CLASP2: variants seen among roughly 807,000 people sequenced by gnomAD.
CLASP2 encodes CLIP-associating protein 2.
CLASP2 carries 47 observed loss-of-function variants against 194.4 expected under a neutral mutation model. That is an observed-to-expected ratio of 0.24 (90% confidence interval 0.19 to 0.31). The LOEUF (loss-of-function observed/expected upper bound fraction) is 0.31, where lower values mean the gene tolerates loss of function less well. CLASP2 is among the 10% of genes least tolerant of loss of function. The probability of loss-of-function intolerance (pLI) is 1.00; values close to 1 mark genes in which losing one functional copy is unlikely to be tolerated. For missense variants in CLASP2, 1,445 were observed against 1,823.6 expected (o/e 0.79, Z 3.78); for synonymous variants, 619 against 633.5 (o/e 0.98, Z 0.34).
chr3:33,552,991 A>G (rs2060288502), intron 29 of CLASP2, among the ~76,000 whole-genome samples: 1 of 152,248 alleles, frequency 6.6e-6, no homozygotes, highest in Non-Finnish European at 1.5e-5. Context: ...AAGGATGCTA[A>G]ACACATATTC....
Position 33,668,151 on chromosome 3 carries a change from G to A in CLASP2, c.645-4636C>T, listed in dbSNP as rs1248948346. On this transcript the variant is annotated intron_variant, in intron 6 of 38. Transcript: ENST00000682230. ...AGAGAATCGCTTGAACCCAGAAGACGGAGGTTGCAGTGAGCTGAGATCGTG... is the reference window on the plus strand; with the variant it reads ...AGAGAATCGCTTGAACCCAGAAGACAGAGGTTGCAGTGAGCTGAGATCGTG... Among the ~76,000 whole-genome samples the A allele has an allele frequency of 3.9e-5, 6 of 152,184 alleles. No individual in the cohort carries two copies. In the East Asian group the frequency reaches 7.7e-4, roughly 20 times the overall value.
chr3:33,582,365 G>C (rs910506426), intron 22 of CLASP2, among the ~76,000 whole-genome samples: 11 of 152,084 alleles, frequency 7.2e-5, no homozygotes, highest in Non-Finnish European at 1.3e-4. Flanking sequence ...AAGATAAAGA[G>C]GAAAAAATGC....
At chr3:33,634,480 C>G (rs542192466) in intron 8 of CLASP2, among the ~76,000 whole-genome samples, 1 of 152,240 alleles carries the variant, frequency 6.6e-6, no homozygotes, top group East Asian at 1.9e-4. Flanking sequence ...TTTACAAAAC[C>G]AGATAGCCAG....
chr3:33,620,641 G>A (rs1369640647), intron 11 of CLASP2, among the ~76,000 whole-genome samples: 1 of 152,184 alleles, frequency 6.6e-6, no homozygotes, highest in East Asian at 1.9e-4. Context: ...CCTTTAAAGA[G>A]CATGAGTTTT....
At chr3:33,717,392 G>T (rs1157917419) in intron 1 of CLASP2, among the ~76,000 whole-genome samples, 1 of 151,972 alleles carries the variant, frequency 6.6e-6, no homozygotes, top group Admixed American at 6.5e-5. Context: ...CTGCCCAGTG[G>T]GGACGCGGGA....
At chr3:33,586,088 A>G (rs114502472) in intron 21 of CLASP2, among the ~76,000 whole-genome samples, 2,934 of 152,150 alleles carry the variant, frequency 0.019, 55 homozygotes, top group African/African-American at 0.045. Context: ...CCAAGGGTAG[A>G]AGGGGAGTAA....
intron 12 of CLASP2, among the ~76,000 whole-genome samples, chr3:33,613,079 C>T (rs1259697305): frequency 1.3e-5 from 2 of 152,054 alleles, no homozygotes; most frequent in Non-Finnish European, 2.9e-5. Flanking sequence ...GATTAATTCC[C>T]TATTACCCTA....
chr3:33,634,284 G>A (rs769412864), intron 8 of CLASP2, among the ~76,000 whole-genome samples: 7 of 152,126 alleles, frequency 4.6e-5, no homozygotes, highest in African/African-American at 9.7e-5. Flanking sequence ...AATTAGATGC[G>A]CATTTTAATG....
chr3:33,639,881 C>T (rs973949122), intron 8 of CLASP2, among the ~76,000 whole-genome samples: 4 of 152,186 alleles, frequency 2.6e-5, no homozygotes, highest in African/African-American at 7.2e-5. Context: ...GGAGATGATC[C>T]AAGAGGAAGC....
At chr3:33,712,834 T>G (rs1205141308) in intron 1 of CLASP2, among the ~76,000 whole-genome samples, 2 of 151,456 alleles carry the variant, frequency 1.3e-5, no homozygotes, top group Admixed American at 1.3e-4. Flanking sequence ...TGGTGGTGCG[T>G]GCCTGTAATC....
intron 34 of CLASP2, among the ~76,000 whole-genome samples, chr3:33,531,565 C>G (rs1215333596): frequency 6.6e-6 from 1 of 152,166 alleles, no homozygotes; most frequent in Non-Finnish European, 1.5e-5. Flanking sequence ...CACCTGAGGT[C>G]AGGAGTTCGA....
chr3:33,551,939 G>GTTT (rs557274011), intron 29 of CLASP2, among the ~76,000 whole-genome samples: 2 of 131,334 alleles, frequency 1.5e-5, no homozygotes, highest in African/African-American at 2.8e-5. Context: ...GGGCAATATA[G>GTTT]TTTTTTTTTT....
chr3:33,630,201 A>G (rs1371547878), intron 9 of CLASP2, among the ~76,000 whole-genome samples: 1 of 152,228 alleles, frequency 6.6e-6, no homozygotes, highest in African/African-American at 2.4e-5. Context: ...AATAGCTAAC[A>G]TATACTTCTT....
chr3:33,672,900 T>C (rs2087657414), intron 6 of CLASP2, among the ~76,000 whole-genome samples: 1 of 151,882 alleles, frequency 6.6e-6, no homozygotes, highest in South Asian at 2.1e-4. Context: ...GAAAAAAGAA[T>C]AAAAAGAAAT....
chr3:33,620,421 T>C (rs1158989865), intron 11 of CLASP2, among the ~76,000 whole-genome samples: 2 of 152,198 alleles, frequency 1.3e-5, no homozygotes, highest in Admixed American at 6.5e-5. Context: ...TGACAATGCT[T>C]GCAATACTGG....
At chr3:33,692,386 A>C (rs898942960) in intron 2 of CLASP2, among the ~76,000 whole-genome samples, 39 of 152,186 alleles carry the variant, frequency 2.6e-4, no homozygotes, top group Non-Finnish European at 1.3e-4. Flanking sequence ...ACAGGGGCTC[A>C]CTTTAATATT....
intron 33 of CLASP2, among the ~76,000 whole-genome samples, chr3:33,537,356 A>G (rs1392183815): frequency 6.6e-6 from 1 of 152,208 alleles, no homozygotes; most frequent in African/African-American, 2.4e-5. Flanking sequence ...AGATAGGCAC[A>G]GTGAGAAAAA....
intron 33 of CLASP2, among the ~76,000 whole-genome samples, chr3:33,537,068 T>A (rs1050883520): frequency 5.3e-5 from 8 of 152,164 alleles, no homozygotes; most frequent in African/African-American, 1.7e-4. Context: ...ATTTTCTTAA[T>A]GAAGACATTG....
chr3:33,641,750 G>GT (rs2081339018), intron 8 of CLASP2, among the ~76,000 whole-genome samples: 1 of 150,760 alleles, frequency 6.6e-6, no homozygotes, highest in African/African-American at 2.4e-5. Flanking sequence ...GAAGCTCACT[G>GT]TATTTTTTTT....
Sources: gnomAD v4.1 joint callset for allele counts (sites outside exome capture counted in the v4.1 genomes callset) on GRCh38, gnomAD v4.1.1 for gene constraint, MANE v1.5 for transcripts, NCBI Gene and HGNC (gene_info 2026-07-23, HGNC 2026-07-21) for gene names.